CFAP74: variants seen among roughly 807,000 people sequenced by gnomAD.
CFAP74 encodes the protein cilia and flagella associated protein 74, also known as cilia- and flagella-associated protein 74.
A neutral mutation model predicts 188.9 loss-of-function variants in CFAP74; 124 were observed. That is an observed-to-expected ratio of 0.66 (90% confidence interval 0.57 to 0.76). The LOEUF (loss-of-function observed/expected upper bound fraction) is 0.76, where lower values mean the gene tolerates loss of function less well. Among genes scored for constraint, CFAP74 ranks in the 30% least tolerant of loss-of-function variants. The probability of loss-of-function intolerance (pLI) is 0.00; values close to 1 mark genes in which losing one functional copy is unlikely to be tolerated. For missense variants in CFAP74, 2,198 were observed against 2,165.2 expected, an observed-to-expected ratio of 1.02 and a Z score of -0.30; for synonymous variants, 956 against 916.7, an observed-to-expected ratio of 1.04 and a Z score of -0.77.
At chr1:1,962,286 G>A (rs773607120) in intron 14 of CFAP74, among the ~76,000 whole-genome samples, 2 of 152,028 alleles carry the variant, frequency 1.3e-5, no homozygotes, top group Non-Finnish European at 2.9e-5. Context: ...GACCAGCCTG[G>A]CCAACATGGT....
intron 19 of CFAP74, 62 bp downstream of exon 19, chr1:1,946,928 C>A: frequency 7.6e-7 from 1 of 1,319,768 alleles, no homozygotes. Flanking sequence ...GCAGCTGGGG[C>A]TGGGGGAAGG....
intron 25 of CFAP74, 53 bp downstream of exon 25, chr1:1,938,802 C>A: frequency 6.6e-7 from 1 of 1,521,334 alleles, no homozygotes; most frequent in Non-Finnish European, 8.8e-7. Flanking sequence ...AGGGGGGCCC[C>A]TCCTGAGCGG....
intron 18 of CFAP74, among the ~76,000 whole-genome samples, chr1:1,948,508 C>T (rs915886904): frequency 2.7e-5 from 4 of 150,762 alleles, no homozygotes; most frequent in African/African-American, 9.8e-5. Context: ...GATCCTCCTG[C>T]GTTGGCCCTC....
chr1:1,974,880 G>A (rs1281256739), intron 6 of CFAP74, among the ~76,000 whole-genome samples: 4 of 152,242 alleles, frequency 2.6e-5, no homozygotes, highest in South Asian at 2.1e-4. Flanking sequence ...GATGTGGACA[G>A]TGTCCTTCTA....
At chr1:1,969,326 C>T (rs1655744177) in intron 10 of CFAP74, among the ~76,000 whole-genome samples, 1 of 142,268 alleles carries the variant, frequency 7.0e-6, no homozygotes, top group African/African-American at 2.6e-5. Flanking sequence ...CCCAGCCCTG[C>T]CTTGCCCAGC....
chr1:2,002,147 A>G (rs1028732963), intron 1 of CFAP74, among the ~76,000 whole-genome samples: 2 of 152,044 alleles, frequency 1.3e-5, no homozygotes, highest in Admixed American at 6.6e-5. Context: ...AATACACTCT[A>G]CAAGGGTGGG....
intron 23 of CFAP74, 32 bp downstream of exon 23, chr1:1,940,284 C>T (rs1322050766): frequency 1.3e-6 from 2 of 1,502,002 alleles, no homozygotes; most frequent in Admixed American, 3.9e-5. Flanking sequence ...CCAGGAGCGC[C>T]CAGCATCCCT....
chr1:1,926,243 G>A lies in CFAP74; in HGVS notation c.3933C>T (p.Pro1311=), dbSNP rs1651880225. Residue 1311 remains proline, a synonymous_variant, in exon 32 of 39, where the codon CCC becomes CCT. Coordinates refer to ENST00000682832, the MANE Select transcript of CFAP74 (RefSeq NM_001304360.2). ...GTQVLVLSFS[P]HESILAQETL... ...TGGGACTCACCAGGATGCTCTCGTGGGGAGAGAAGGAAAGCACCAGGACCT... is the reference window on the plus strand; with the variant it reads ...TGGGACTCACCAGGATGCTCTCGTGAGGAGAGAAGGAAAGCACCAGGACCT... 1 of 1,519,176 alleles carries A rather than the reference G, an allele frequency of 6.6e-7. No homozygotes were observed. The highest frequency in any genetic ancestry group is 1.3e-5 in the South Asian group (1 of 78,496). 94.1% of individuals were successfully genotyped at this position (1,519,176 alleles called of 1,614,324 possible).
At chr1:1,960,983 GTC>G (rs1190017415) in intron 14 of CFAP74, among the ~76,000 whole-genome samples, 1 of 152,116 alleles carries the variant, frequency 6.6e-6, no homozygotes, top group African/African-American at 2.4e-5. Flanking sequence ...ACAAGACACT[GTC>G]AAGAAATGCA....
chr1:1,946,504 C>G (rs1653787318), intron 19 of CFAP74, 65 bp from the exon 20 acceptor site: 1 of 1,461,924 alleles, frequency 6.8e-7, no homozygotes, highest in African/African-American at 1.4e-5. Flanking sequence ...CTTCCCAACC[C>G]TCACAATGGC....
chr1:1,939,477 G>A, intron 24 of CFAP74, 117 bp downstream of exon 24: 2 of 1,002,140 alleles, frequency 2.0e-6, no homozygotes, highest in East Asian at 5.3e-5. Context: ...CAGCTGAGAG[G>A]CGGAAGTTGG....
rs944612845 is a variant in CFAP74 at position 1,955,323 on chromosome 1, G to T, written c.2176+368C>A. 5 of 1,309,846 alleles carry T rather than the reference G, an allele frequency of 3.8e-6. No individual in the cohort carries two copies. The African/African-American group carries it at 7.5e-5, about 20-fold the overall frequency. 81.1% of individuals were successfully genotyped at this position (1,309,846 alleles called of 1,614,324 possible). A position where few individuals can be genotyped will look rare whatever the true frequency, so the allele number is the denominator to read the frequency against. ...TTTCTCGGCACCTCTCCCCGCTGGTGCGCGTCTAACAACAGCCACAGCTGC... is the reference window on the plus strand; with the variant it reads ...TTTCTCGGCACCTCTCCCCGCTGGTTCGCGTCTAACAACAGCCACAGCTGC... On this transcript the variant is annotated intron_variant, in intron 18 of 38. Coordinates refer to ENST00000682832, the MANE Select transcript of CFAP74 (RefSeq NM_001304360.2).
intron 10 of CFAP74, among the ~76,000 whole-genome samples, chr1:1,970,391 G>A (rs963556771): frequency 1.3e-5 from 2 of 148,834 alleles, no homozygotes; most frequent in Non-Finnish European, 2.9e-5. Context: ...CTCTCGACAG[G>A]GGCCGGGGTT....
chr1:1,922,347 C>T lies in CFAP74; in HGVS notation c.4860G>A (p.Arg1620=), dbSNP rs200763442. ...CCTTGTAGGTCTCCTTCACATCCCC[C>T]CTTAGCTGCAGCAGGGCCGACACCA... The part of the protein sequence containing the change: ...PLMVSALLQL[R]GDVKETYKVI... The change falls in exon 39 of 39, where the codon AGG becomes AGA. Residue 1620 remains arginine (R), a synonymous_variant. Transcript: ENST00000682832. 3.7e-6 allele frequency: 6 copies of T among 1,602,824 alleles called. No individual in the cohort carries two copies. The highest frequency in any genetic ancestry group is 5.1e-6 in the Non-Finnish European group (6 of 1,177,098).
At chr1:1,993,198 C>CA (rs58970740) in intron 1 of CFAP74, among the ~76,000 whole-genome samples, 997 of 90,314 alleles carry the variant, frequency 0.011, 9 homozygotes, top group African/African-American at 0.025. Context: ...AAGACTGTCT[C>CA]AAAAAAAAAA....
intron 6 of CFAP74, among the ~76,000 whole-genome samples, chr1:1,983,140 G>A (rs1046995029): frequency 1.3e-5 from 2 of 152,200 alleles, no homozygotes; most frequent in African/African-American, 4.8e-5. Flanking sequence ...CGATCACGGA[G>A]GGGGAACGCT....
In CFAP74 at chr1:1,970,547, G is replaced by A. The variant is rs534141341; in HGVS notation, c.1046+112C>T. On this transcript the variant is annotated intron_variant, in intron 10 of 38. Transcript: ENST00000682832. Reference sequence around the variant, plus strand: ...GTGCCCCACAGCCGCCTGAGTGGGCGCCCTGGGAGAGAGAGCAGCTTTGCT... The same window carrying A: ...GTGCCCCACAGCCGCCTGAGTGGGCACCCTGGGAGAGAGAGCAGCTTTGCT... 408 of 1,232,588 alleles carry A rather than the reference G, an allele frequency of 3.3e-4. 1 individual carries two copies. The highest frequency in any genetic ancestry group is 1.1e-3 in the African/African-American group (74 of 66,194). 76.4% of individuals were successfully genotyped at this position (1,232,588 alleles called of 1,614,324 possible). A position where few individuals can be genotyped will look rare whatever the true frequency, so the allele number is the denominator to read the frequency against.
At chr1:1,944,074 T>A (rs2803332) in intron 21 of CFAP74, among the ~76,000 whole-genome samples, 6 of 151,920 alleles carry the variant, frequency 3.9e-5, no homozygotes, top group African/African-American at 1.5e-4. Flanking sequence ...TCCCCAACCA[T>A]GTCTGCTAAG....
chr1:1,924,104 C>T (rs2102027923), intron 34 of CFAP74, among the ~76,000 whole-genome samples, 175 bp from the exon 35 acceptor site: 1 of 102,900 alleles, frequency 9.7e-6, no homozygotes, highest in East Asian at 3.4e-4. Flanking sequence ...AAGCGCCCAC[C>T]CCCCCCATCT....
Sources: allele counts gnomAD v4.1 joint callset (sites outside exome capture counted in the v4.1 genomes callset), GRCh38; gene constraint gnomAD v4.1.1; transcripts MANE v1.5; gene names NCBI Gene and HGNC (gene_info 2026-07-23, HGNC 2026-07-21).